BDP1: variants seen among roughly 807,000 people sequenced by gnomAD.
The protein encoded by BDP1 is BDP1 general transcription factor IIIB subunit.
A neutral mutation model predicts 266.6 loss-of-function variants in BDP1; 169 were observed. The ratio of observed to expected loss-of-function variants is 0.63; its 90% CI spans 0.56 to 0.72. The LOEUF is 0.72. Ranked by LOEUF, BDP1 falls within the 30% of genes least tolerant of loss-of-function variation. BDP1 has a pLI of 0.00. For missense variants in BDP1, 3,015 were observed against 3,053.8 expected (o/e 0.99, Z 0.30); for synonymous variants, 1,090 against 1,022.4 (o/e 1.07, Z -1.26).
rs1761458174 is a variant in BDP1 at position 71,460,205 on chromosome 5, C to T, written c.489+1350C>T. Among the ~76,000 whole-genome samples the T allele has an allele frequency of 2.6e-5, 4 of 152,100 alleles. No individual in the cohort carries two copies. In the South Asian group the frequency reaches 6.2e-4, roughly 24 times the overall value. On this transcript the variant is annotated intron_variant, in intron 2 of 38. Transcript: ENST00000358731. ...GACCAGCCTGGCCAACATGGTGAAA[C>T]CCCGTCTCTACTAAAAATACAAACA...
At chr5:71,539,003 G>A (rs1031372303) in intron 26 of BDP1, 39 bp from the exon 27 acceptor site, 5 of 1,378,344 alleles carry the variant, frequency 3.6e-6, no homozygotes, top group African/African-American at 1.4e-5. Context: ...CATGTTTGGG[G>A]AAGTATTTTA....
intron 6 of BDP1, among the ~76,000 whole-genome samples, chr5:71,467,711 C>A (rs1407748647): frequency 6.6e-6 from 1 of 152,136 alleles, no homozygotes; most frequent in Non-Finnish European, 1.5e-5. Flanking sequence ...TGGGTCTCAG[C>A]CAGGTGCAGT....
In BDP1 at chr5:71,497,390, G is replaced by C. The variant is rs991491997; in HGVS notation, c.1920G>C (p.Glu640Asp). 4 of 1,613,396 alleles carry C rather than the reference G, an allele frequency of 2.5e-6. No homozygotes were observed. The highest frequency in any genetic ancestry group is 3.4e-6 in the Non-Finnish European group (4 of 1,179,756). The change falls in exon 13 of 39, where the codon GAG becomes GAC. Residue 640 changes from glutamate (E) to aspartate (D), a missense_variant. By Grantham distance (45) the Glu-to-Asp change is conservative (BLOSUM62 2). This residue lies in a region of BDP1 where 2,383 missense variants were observed against 2,404.9 expected (regional missense o/e 0.99). Coordinates refer to ENST00000358731, the MANE Select transcript of BDP1 (RefSeq NM_018429.3). The part of the protein sequence containing the change: ...SVLSQGKTES[E>D]SKNSHSKTSV... ...TTTCACAAGGCAAAACAGAGTCAGA[G>C]AGCAAGAATTCACATTCAAAAACTT...
chr5:71,470,941 T>G (rs1762205089), intron 7 of BDP1, among the ~76,000 whole-genome samples: 1 of 151,894 alleles, frequency 6.6e-6, no homozygotes, highest in Admixed American at 6.6e-5. Flanking sequence ...TTATCCCTCT[T>G]TATTGAAAAG....
At chr5:71,549,328 C>T in intron 33 of BDP1, 92 bp from the exon 34 acceptor site, 4 of 1,062,164 alleles carry the variant, frequency 3.8e-6, no homozygotes, top group South Asian at 3.4e-5. Flanking sequence ...ATAAGTTGTC[C>T]TGAGACTGTC....
In BDP1 at chr5:71,495,285, C is replaced by T; in HGVS notation, c.1676C>T (p.Ser559Phe). 1.3e-6 allele frequency: 2 copies of T among 1,594,618 alleles called. No homozygotes were observed. Among genetic ancestry groups the T allele is most frequent in the Non-Finnish European group, 1.7e-6 (2 of 1,169,678 alleles). ...QQDATSVATE[S>F]SESSTSDLPS... is the part of the protein sequence containing the mutation. ...GATGCCACATCAGTAGCAACTGAGT[C>T]TTCAGAATCAAGCACTTCAGATTTG... The change falls in exon 12 of 39, where the codon TCT (serine) becomes TTT (phenylalanine). Residue 559 changes from serine to phenylalanine, a missense_variant. This residue lies in a region of BDP1 where 2,383 missense variants were observed against 2,404.9 expected (regional missense o/e 0.99). Coordinates refer to ENST00000358731, the MANE Select transcript of BDP1 (RefSeq NM_018429.3).
At chr5:71,476,450 T>A (rs530833878) in intron 7 of BDP1, 4 of 152,340 alleles carry the variant, frequency 2.6e-5, no homozygotes, top group African/African-American at 7.2e-5. Flanking sequence ...CAGCACGTGG[T>A]TGCATTCACC....
intron 4 of BDP1, 93 bp downstream of exon 4, chr5:71,464,210 T>C (rs887540264): frequency 2.9e-5 from 23 of 796,744 alleles, no homozygotes; most frequent in East Asian, 1.7e-4. Flanking sequence ...TTACATTTGA[T>C]TGGGGTTGGG....
At chr5:71,528,804 A>G (rs565850680) in intron 25 of BDP1, among the ~76,000 whole-genome samples, 1 of 152,374 alleles carries the variant, frequency 6.6e-6, no homozygotes, top group African/African-American at 2.4e-5. Flanking sequence ...ATGTGAAACC[A>G]AGAAAATGCA....
At chr5:71,537,304 A>G (rs1766682970) in intron 26 of BDP1, among the ~76,000 whole-genome samples, 1 of 152,202 alleles carries the variant, frequency 6.6e-6, no homozygotes, top group African/African-American at 2.4e-5. Context: ...AAAGCCTCCC[A>G]TAATTCAATA....
At chr5:71,546,560 G>A (rs1412393497) in intron 32 of BDP1, among the ~76,000 whole-genome samples, 1 of 133,980 alleles carries the variant, frequency 7.5e-6, no homozygotes, top group South Asian at 2.5e-4. Context: ...AGAGGTTGCA[G>A]TGGCCAAAGA....
chr5:71,478,215 C>T (rs772449642), intron 7 of BDP1, among the ~76,000 whole-genome samples: 4 of 152,140 alleles, frequency 2.6e-5, no homozygotes, highest in Non-Finnish European at 4.4e-5. Flanking sequence ...TGCCATTGGA[C>T]TCTAGCCTGG....
intron 12 of BDP1, among the ~76,000 whole-genome samples, chr5:71,496,229 G>C (rs1339713865): frequency 7.5e-6 from 1 of 134,192 alleles, no homozygotes; most frequent in African/African-American, 2.8e-5. Flanking sequence ...GCGACAGAGC[G>C]AGACTCCATT....
intron 32 of BDP1, 44 bp downstream of exon 32, chr5:71,545,263 C>T: frequency 1.3e-6 from 2 of 1,523,190 alleles, no homozygotes; most frequent in Admixed American, 2.1e-5. Context: ...AGGTGTTTTC[C>T]TCCATTTAAA....
intron 25 of BDP1, among the ~76,000 whole-genome samples, chr5:71,526,729 C>G (rs1229675289): frequency 6.7e-6 from 1 of 148,556 alleles, no homozygotes; most frequent in Admixed American, 6.7e-5. Context: ...AGTCTGTCAC[C>G]CAGTCTGGAG....
chr5:71,465,699 C>T (rs537324684), intron 4 of BDP1, among the ~76,000 whole-genome samples: 1 of 152,022 alleles, frequency 6.6e-6, no homozygotes, highest in East Asian at 1.9e-4. Flanking sequence ...TGGCCAACAT[C>T]GTGAAAACCC....
chr5:71,532,959 G>A (rs1352747808), intron 26 of BDP1, among the ~76,000 whole-genome samples: 3 of 152,158 alleles, frequency 2.0e-5, no homozygotes, highest in Non-Finnish European at 4.4e-5. Flanking sequence ...CTGGCCTGGG[G>A]AACCAATAAT....
intron 7 of BDP1, among the ~76,000 whole-genome samples, chr5:71,478,479 G>A (rs1453137010): frequency 1.3e-5 from 2 of 152,058 alleles, no homozygotes; most frequent in Non-Finnish European, 2.9e-5. Context: ...TTTTATTTCA[G>A]CCTTTCAGCC....
At chr5:71,528,558 G>T (rs1766047995) in intron 25 of BDP1, among the ~76,000 whole-genome samples, 1 of 152,186 alleles carries the variant, frequency 6.6e-6, no homozygotes, top group African/African-American at 2.4e-5. Context: ...TAATGTTTAA[G>T]ATAATTAAGG....
Sources: gnomAD v4.1 joint callset for allele counts (sites outside exome capture counted in the v4.1 genomes callset) on GRCh38, gnomAD v4.1.1 for gene constraint, gnomAD v4.1.1 regional missense constraint, MANE v1.5 for transcripts, NCBI Gene and HGNC (gene_info 2026-07-23, HGNC 2026-07-21) for gene names.